ZNF519: variants seen among roughly 807,000 people sequenced by gnomAD.
ZNF519 encodes the protein zinc finger protein 519.
ZNF519 carries 7 observed loss-of-function variants against 7.4 expected under a neutral mutation model. That is an observed-to-expected ratio of 0.94 (90% CI 0.54 to 1.77). The LOEUF (loss-of-function observed/expected upper bound fraction) is 1.77, where lower values mean the gene tolerates loss of function less well. Among genes scored for constraint, ZNF519 ranks in the 40% most tolerant of loss-of-function variants. ZNF519 has a pLI of 0.00. For synonymous variants in ZNF519, 179 were observed against 203.3 expected (o/e 0.88, Z 1.02); for missense variants, 586 against 623.1 (o/e 0.94, Z 0.63).
chr18:14,131,683 T>C (rs1233331721), intron 1 of ZNF519, among the ~76,000 whole-genome samples: 1 of 152,098 alleles, frequency 6.6e-6, no homozygotes, highest in Non-Finnish European at 1.5e-5. Context: ...CTTAAACAAC[T>C]ACAAACCTCC....
intron 2 of ZNF519, among the ~76,000 whole-genome samples, chr18:14,119,980 T>C (rs2046263039): frequency 6.6e-6 from 1 of 152,204 alleles, no homozygotes; most frequent in Admixed American, 6.5e-5. Context: ...ACTGTCAAAG[T>C]ACCATATTAT....
intron 2 of ZNF519, among the ~76,000 whole-genome samples, chr18:14,109,330 A>C (rs1433691928): frequency 6.6e-6 from 1 of 152,160 alleles, no homozygotes; most frequent in African/African-American, 2.4e-5. Flanking sequence ...CAACGAAGAA[A>C]TATCAGGCCT....
At chr18:14,079,648 T>C (rs2046062649) in intron 3 of ZNF519, among the ~76,000 whole-genome samples, 1 of 152,128 alleles carries the variant, frequency 6.6e-6, no homozygotes, top group African/African-American at 2.4e-5. Context: ...GTTAAGGTAA[T>C]AAAATGTAGC....
At chr18:14,108,744 T>A (rs1225699415) in intron 2 of ZNF519, among the ~76,000 whole-genome samples, 2 of 152,048 alleles carry the variant, frequency 1.3e-5, no homozygotes, top group East Asian at 3.8e-4. Flanking sequence ...TATACTTATA[T>A]CAGACAAAAT....
intron 2 of ZNF519, among the ~76,000 whole-genome samples, chr18:14,108,259 A>C (rs777627084): frequency 1.3e-5 from 2 of 152,186 alleles, no homozygotes; most frequent in Non-Finnish European, 2.9e-5. Flanking sequence ...GACAGTCTAA[A>C]GCCTGAAAAC....
In ZNF519 at chr18:14,101,535, C is replaced by G. The variant is rs2046161230; in HGVS notation, c.*3382G>C. The G allele has an allele frequency of 2.5e-6, 1 of 396,950 alleles. No homozygotes were observed. Among genetic ancestry groups the G allele is most frequent in the Non-Finnish European group, 4.4e-6 (1 of 225,622 alleles). 24.6% of individuals were successfully genotyped at this position (396,950 alleles called of 1,614,324 possible). On this transcript the variant is annotated 3_prime_UTR_variant, in exon 3 of 3. Transcript: ENST00000590202. ...AAGGAAGGAAACAGACTCAGGGTCC[C>G]TTGGATTAAAACTGTGGGTCACTCA... is the stretch of plus-strand genomic sequence containing the variant.
downstream of ZNF519, chr18:14,073,201 A>G (rs536620883): frequency 1.3e-5 from 2 of 152,132 alleles, no homozygotes; most frequent in Non-Finnish European, 2.9e-5. Context: ...ACTGTAACAA[A>G]AATATATTGA....
chr18:14,081,253 T>C (rs2046069760), intron 3 of ZNF519, among the ~76,000 whole-genome samples: 1 of 152,036 alleles, frequency 6.6e-6, no homozygotes, highest in African/African-American at 2.4e-5. Flanking sequence ...TATGCATGTA[T>C]GGGGGTGTCA....
intron 2 of ZNF519, among the ~76,000 whole-genome samples, chr18:14,117,180 A>T (rs191163645): frequency 2.0e-5 from 3 of 152,338 alleles, no homozygotes; most frequent in Non-Finnish European, 4.4e-5. Flanking sequence ...AAGAAGAAAA[A>T]AAAATTGTAT....
intron 2 of ZNF519, among the ~76,000 whole-genome samples, chr18:14,106,895 G>C (rs928612949): frequency 6.6e-5 from 10 of 152,242 alleles, no homozygotes; most frequent in African/African-American, 1.9e-4. Context: ...TGCCCACAGA[G>C]GGAGTATTTC....
rs1320127128 is a variant in ZNF519 at position 14,104,617 on chromosome 18, C to T, written c.*300G>A. ...TACTGTGATTACAAAAATAAGTGAA[C>T]ATTGAATATAATTATGCCTCTCCAT... is the stretch of plus-strand genomic sequence containing the variant. On this transcript the variant is annotated 3_prime_UTR_variant, in exon 3 of 3. Coordinates refer to ENST00000590202, the MANE Select transcript of ZNF519 (RefSeq NM_145287.4). The T allele has an allele frequency of 3.9e-6, 1 of 257,184 alleles. No individual in the cohort carries two copies. Among genetic ancestry groups the T allele is most frequent in the Non-Finnish European group, 7.3e-6 (1 of 137,372 alleles). 15.9% of individuals were successfully genotyped at this position (257,184 alleles called of 1,614,324 possible). A position where few individuals can be genotyped will look rare whatever the true frequency, so the allele number is the denominator to read the frequency against.
intron 2 of ZNF519, among the ~76,000 whole-genome samples, chr18:14,115,962 T>C (rs566713019): frequency 6.6e-6 from 1 of 152,294 alleles, no homozygotes; most frequent in Non-Finnish European, 1.5e-5. Flanking sequence ...TCTTATTCTT[T>C]TTAACTTTTA....
At chr18:14,071,871 G>T (rs1324908429), downstream of ZNF519, 1 of 152,158 alleles carries the variant, frequency 6.6e-6, no homozygotes, top group Non-Finnish European at 1.5e-5. Context: ...AAAAGAGAAA[G>T]ATGTTACAAG....
At chr18:14,111,515 G>GAAAAAAAAAAAAAAAAAAAA (rs371322134) in intron 2 of ZNF519, among the ~76,000 whole-genome samples, 5 of 72,512 alleles carry the variant, frequency 6.9e-5, no homozygotes, top group Non-Finnish European at 1.1e-4. Flanking sequence ...TCAAAAAAAA[G>GAAAAAAAAAAAAAAAAAAAA]AAAAAAAAAA....
chr18:14,083,830 C>T (rs2143084476), intron 3 of ZNF519, among the ~76,000 whole-genome samples: 1 of 152,310 alleles, frequency 6.6e-6, no homozygotes, highest in Admixed American at 6.5e-5. Flanking sequence ...GATTTTCCAC[C>T]TACACATAAA....
downstream of ZNF519, among the ~76,000 whole-genome samples, chr18:14,097,799 T>C (rs1265884672): frequency 6.6e-6 from 1 of 152,230 alleles, no homozygotes; most frequent in Non-Finnish European, 1.5e-5. Flanking sequence ...TTTGTCCCAA[T>C]ACTGCTCATG....
intron 2 of ZNF519, among the ~76,000 whole-genome samples, chr18:14,120,253 G>A (rs1182968969): frequency 1.3e-5 from 2 of 151,924 alleles, no homozygotes; most frequent in Non-Finnish European, 2.9e-5. Context: ...ATGCATACAA[G>A]GTCAACTAAT....
At position 14,106,313 on chromosome 18, in the gene ZNF519, AG is replaced by A; in HGVS notation, c.226del (p.Glu77LysfsTer12). The A allele has an allele frequency of 6.2e-7, 1 of 1,612,834 alleles. No homozygotes were observed. Among genetic ancestry groups the A allele is most frequent in the Middle Eastern group, 1.7e-4 (1 of 6,032 alleles). On this transcript the variant is annotated frameshift_variant, in exon 3 of 3. Transcript: ENST00000590202. LOFTEE classifies it low-confidence loss of function (END_TRUNC). ...GTTTTTCCATAAGCATATATTTTCA[AG>A]GCCACAGCTCCCATATCTTCCCAGT... Reference protein sequence around the residue: ...ATLGRYGSCGLENICLWKNWE... With the variant: ...ATLGRYGSCGXENICLWKNWE...
At chr18:14,080,609 C>T (rs1028068819) in intron 3 of ZNF519, among the ~76,000 whole-genome samples, 3 of 152,064 alleles carry the variant, frequency 2.0e-5, no homozygotes, top group Non-Finnish European at 4.4e-5. Context: ...CATAAGCCAC[C>T]GTGCCCGGCT....
Sources: gnomAD v4.1 joint callset for allele counts (sites outside exome capture counted in the v4.1 genomes callset) on GRCh38, gnomAD v4.1.1 for gene constraint, MANE v1.5 for transcripts, NCBI Gene and HGNC (gene_info 2026-07-23, HGNC 2026-07-21) for gene names.